The following DLG2 variants were observed in gnomAD, a reference collection of about 807,000 sequenced individuals.
The protein encoded by DLG2 is disks large homolog 2.
Under a neutral mutation model 132.5 loss-of-function variants are expected in DLG2, and 45 were observed. The observed-to-expected ratio is 0.34, with a 90% CI of 0.27 to 0.44. DLG2 has a LOEUF of 0.44. DLG2 is among the 20% of genes least tolerant of loss of function. The probability of loss-of-function intolerance (pLI) is 1.00; values close to 1 mark genes in which losing one functional copy is unlikely to be tolerated. For synonymous variants in DLG2, 424 were observed against 419.6 expected (o/e 1.01, Z -0.13); for missense variants, 1,045 against 1,196.9 (o/e 0.87, Z 1.87).
At chr11:83,999,618 C>T (rs1470388748) in intron 11 of DLG2, among the ~76,000 whole-genome samples, 2 of 152,074 alleles carry the variant, frequency 1.3e-5, no homozygotes, top group African/African-American at 2.4e-5. Flanking sequence ...CAAGAACAGA[C>T]ATGCTCAGCT....
Position 83,930,479 on chromosome 11 carries a change from G to A in DLG2, c.1345C>T (p.Pro449Ser), listed in dbSNP as rs771403609. The change falls in exon 15 of 28, where the codon CCG becomes TCG. Residue 449 changes from proline to serine, a missense_variant. Coordinates refer to ENST00000376104, the MANE Select transcript of DLG2 (RefSeq NM_001142699.3). ...MLVDDDYTRP[P>S]EPVYSTVNKL... The stretch of plus-strand genomic sequence containing the variant: ...TTCACAGTGCTGTAAACAGGTTCCG[G>A]AGGCCTGGTGATACAAGAGGAAGAG... The A allele has an allele frequency of 4.3e-6, 7 of 1,613,556 alleles. No homozygotes were observed. In the East Asian group the frequency reaches 1.3e-4, roughly 31 times the overall value.
chr11:83,662,078 G>A (rs760386938), intron 18 of DLG2, among the ~76,000 whole-genome samples: 2 of 151,918 alleles, frequency 1.3e-5, no homozygotes, highest in Non-Finnish European at 2.9e-5. Context: ...TTTTGGTAAG[G>A]AAACAGCAGC....
chr11:83,585,779 G>A (rs2097074447), intron 19 of DLG2, among the ~76,000 whole-genome samples: 1 of 152,170 alleles, frequency 6.6e-6, no homozygotes, highest in Admixed American at 6.5e-5. Flanking sequence ...GAAGCTTTGA[G>A]TATTCCTATC....
At chr11:85,508,435 C>T (rs2093984512) in intron 3 of DLG2, among the ~76,000 whole-genome samples, 1 of 152,024 alleles carries the variant, frequency 6.6e-6, no homozygotes, top group South Asian at 2.1e-4. Flanking sequence ...TAATCAATGT[C>T]ACTTTATTAG....
chr11:84,090,943 T>G (rs146044887), intron 10 of DLG2, among the ~76,000 whole-genome samples: 145 of 152,276 alleles, frequency 9.5e-4, no homozygotes, highest in African/African-American at 3.4e-3. Flanking sequence ...CAGGGAAAGG[T>G]CTCTGAACTA....
At chr11:84,414,548 C>A (rs2098922231) in intron 7 of DLG2, among the ~76,000 whole-genome samples, 1 of 152,138 alleles carries the variant, frequency 6.6e-6, no homozygotes, top group African/African-American at 2.4e-5. Flanking sequence ...TATATTCGGA[C>A]TGAACGTTTT....
intron 5 of DLG2, among the ~76,000 whole-genome samples, chr11:85,131,955 A>G (rs1212296134): frequency 6.6e-6 from 1 of 152,186 alleles, no homozygotes; most frequent in East Asian, 1.9e-4. Flanking sequence ...ATGCAAAATG[A>G]AAAGGGAACT....
At chr11:84,795,911 G>A (rs2074529863) in intron 6 of DLG2, among the ~76,000 whole-genome samples, 1 of 152,160 alleles carries the variant, frequency 6.6e-6, no homozygotes, top group South Asian at 2.1e-4. Context: ...GACACCTGGA[G>A]CTGCCCTCCC....
At chr11:85,537,376 C>T (rs1224155715) in intron 3 of DLG2, among the ~76,000 whole-genome samples, 4 of 152,212 alleles carry the variant, frequency 2.6e-5, no homozygotes, top group Admixed American at 6.5e-5. Flanking sequence ...CAATAAATCT[C>T]GCTGCTGCTC....
At chr11:84,584,512 AT>A (rs890090764) in intron 6 of DLG2, among the ~76,000 whole-genome samples, 9 of 148,954 alleles carry the variant, frequency 6.0e-5, no homozygotes, top group Non-Finnish European at 1.0e-4. Context: ...ATGCCTGGCT[AT>A]TTTTTTTTAA....
At chr11:84,238,985 A>C (rs1359527412) in intron 8 of DLG2, among the ~76,000 whole-genome samples, 1 of 152,370 alleles carries the variant, frequency 6.6e-6, no homozygotes, top group Admixed American at 6.5e-5. Context: ...GGTCACATGC[A>C]CATTGATCCA....
At chr11:83,710,535 T>C (rs1289299366) in intron 18 of DLG2, among the ~76,000 whole-genome samples, 1 of 152,112 alleles carries the variant, frequency 6.6e-6, no homozygotes, top group East Asian at 1.9e-4. Context: ...AGTGCCAAGA[T>C]GGACAATTCA....
chr11:84,181,978 C>T (rs34805036), intron 8 of DLG2, among the ~76,000 whole-genome samples: 9,697 of 149,716 alleles, frequency 0.065, 381 homozygotes, highest in African/African-American at 0.097. Context: ...CTAGCAGGCA[C>T]AAAATCAGTA....
intron 6 of DLG2, among the ~76,000 whole-genome samples, chr11:84,989,368 G>C (rs1206491592): frequency 1.3e-5 from 2 of 152,052 alleles, no homozygotes; most frequent in Non-Finnish European, 2.9e-5. Context: ...TAGAGATGGG[G>C]TTTCACCATG....
intron 18 of DLG2, among the ~76,000 whole-genome samples, chr11:83,764,596 C>T (rs2094059904): frequency 1.3e-5 from 2 of 150,908 alleles, no homozygotes; most frequent in South Asian, 2.1e-4. Context: ...GCTTTATAAA[C>T]ATTAACCTAC....
At chr11:83,560,785 C>T (rs1319435400) in intron 19 of DLG2, among the ~76,000 whole-genome samples, 2 of 152,172 alleles carry the variant, frequency 1.3e-5, no homozygotes, top group Non-Finnish European at 2.9e-5. Flanking sequence ...CTATTTCCCA[C>T]CAATAAAACA....
intron 7 of DLG2, among the ~76,000 whole-genome samples, chr11:84,357,480 G>C (rs1185759345): frequency 6.6e-6 from 1 of 151,918 alleles, no homozygotes; most frequent in African/African-American, 2.4e-5. Flanking sequence ...ACCTATCACA[G>C]TTTAATTTTA....
chr11:83,971,934 T>G (rs533173160), intron 12 of DLG2, among the ~76,000 whole-genome samples: 39 of 152,138 alleles, frequency 2.6e-4, no homozygotes, highest in Non-Finnish European at 5.0e-4. Flanking sequence ...TATTTTCTTG[T>G]TTTTCATCTT....
At chr11:84,362,594 G>A (rs1422888915) in intron 7 of DLG2, among the ~76,000 whole-genome samples, 1 of 151,508 alleles carries the variant, frequency 6.6e-6, no homozygotes, top group East Asian at 1.9e-4. Flanking sequence ...GTGACATGCT[G>A]GTGCGCTGCA....
Sources: allele counts gnomAD v4.1 joint callset (sites outside exome capture counted in the v4.1 genomes callset), GRCh38; gene constraint gnomAD v4.1.1; transcripts MANE v1.5; gene names NCBI Gene and HGNC (gene_info 2026-07-23, HGNC 2026-07-21).